Variants in SCOC observed in about 807,000 individuals in gnomAD.
SCOC encodes the protein short coiled coil protein.
A neutral mutation model predicts 9.9 loss-of-function variants in SCOC; 7 were observed. The ratio of observed to expected loss-of-function variants is 0.71; its 90% CI spans 0.40 to 1.33. The LOEUF is 1.33. Among genes scored for constraint, SCOC ranks in the 40% most tolerant of loss-of-function variants. SCOC has a pLI of 0.01. For missense variants in SCOC, 66 were observed against 89.7 expected, an observed-to-expected ratio of 0.74 and a Z score of 1.07; for synonymous variants, 19 against 28.2, an observed-to-expected ratio of 0.67 and a Z score of 1.03.
intron 1 of SCOC, among the ~76,000 whole-genome samples, chr4:140,259,708 C>A (rs1420008737): frequency 3.3e-5 from 5 of 152,114 alleles, no homozygotes; most frequent in Non-Finnish European, 7.4e-5. Context: ...GACCATGTCT[C>A]CAAAAATTAA....
At chr4:140,267,393 G>T (rs1171576829) in intron 1 of SCOC, among the ~76,000 whole-genome samples, 1 of 152,204 alleles carries the variant, frequency 6.6e-6, no homozygotes, top group Non-Finnish European at 1.5e-5. Context: ...TGGAGAGACT[G>T]CGGAGATCTG....
At chr4:140,354,562 A>T (rs1727127057) in intron 2 of SCOC, among the ~76,000 whole-genome samples, 3 of 144,474 alleles carry the variant, frequency 2.1e-5, no homozygotes, top group Non-Finnish European at 3.0e-5. Flanking sequence ...CACAAACAGT[A>T]ACTCCTCTAT....
intron 1 of SCOC, among the ~76,000 whole-genome samples, chr4:140,289,806 C>G (rs956110962): frequency 2.0e-5 from 3 of 152,204 alleles, no homozygotes; most frequent in Non-Finnish European, 4.4e-5. Flanking sequence ...ATGTGCTTAT[C>G]CTGCCAGCTC....
intron 1 of SCOC, among the ~76,000 whole-genome samples, chr4:140,260,262 T>C (rs1332457270): frequency 5.3e-5 from 8 of 152,222 alleles, no homozygotes; most frequent in Non-Finnish European, 8.8e-5. Context: ...TAAGAAGGTA[T>C]TCAATAATAT....
At chr4:140,351,202 A>G (rs192411592) in intron 2 of SCOC, among the ~76,000 whole-genome samples, 37 of 151,986 alleles carry the variant, frequency 2.4e-4, no homozygotes, top group Admixed American at 5.9e-4. Flanking sequence ...AAAAAAAAAA[A>G]AAGAAGAAGA....
Position 140,381,379 on chromosome 4 carries a change from GT to G in SCOC, c.*278del, listed in dbSNP as rs1194709166. 1 of 233,936 alleles carries G rather than the reference GT, an allele frequency of 4.3e-6. No homozygotes were observed. The highest frequency in any genetic ancestry group is 7.3e-5 in the South Asian group (1 of 13,612). The allele number at this position is 233,936 out of a possible 1,614,324, so 14.5% of individuals were successfully genotyped here. ...GATGAATGTTTTATTGAATTTGTAG[GT>G]TTAGCACTGTCTTTTATTATAGGAT... On this transcript the variant is annotated 3_prime_UTR_variant, in exon 4 of 4. Coordinates refer to ENST00000608372, the MANE Select transcript of SCOC (RefSeq NM_001153484.2).
In SCOC at chr4:140,379,571, G is replaced by A. The variant is rs780383810; in HGVS notation, c.25G>A (p.Val9Ile). The A allele has an allele frequency of 3.7e-6, 6 of 1,608,964 alleles. No individual in the cohort carries two copies. The African/African-American group carries it at 6.7e-5, about 18-fold the overall frequency. Residue 9 changes from valine (V) to isoleucine (I), a missense_variant and splice_region_variant, in exon 3 of 4, where the codon GTT becomes ATT. Transcript: ENST00000608372. MMNADMDAVDAENQVELEE... is the reference protein window; with the variant it reads MMNADMDAIDAENQVELEE... ...AAATTTGAACCTTTATATTACAGCAGTTGATGCTGAAAATCAAGTGGAACT... is the reference window on the plus strand; with the variant it reads ...AAATTTGAACCTTTATATTACAGCAATTGATGCTGAAAATCAAGTGGAACT...
intron 1 of SCOC, among the ~76,000 whole-genome samples, chr4:140,319,833 T>C (rs1732445870): frequency 6.6e-6 from 1 of 152,174 alleles, no homozygotes; most frequent in South Asian, 2.1e-4. Context: ...CAAATAACTT[T>C]CTTAAAACCA....
intron 2 of SCOC, chr4:140,362,871 A>G (rs896663410): frequency 2.0e-5 from 3 of 152,188 alleles, no homozygotes; most frequent in Non-Finnish European, 4.4e-5. Context: ...ACTAAAGATC[A>G]TTCAATTTAG....
Position 140,381,084 on chromosome 4 carries a change from A to G in SCOC, c.229A>G (p.Thr77Ala). 1 of 1,598,350 alleles carries G rather than the reference A, an allele frequency of 6.3e-7. No homozygotes were observed. The highest frequency in any genetic ancestry group is 8.5e-7 in the Non-Finnish European group (1 of 1,176,304). The change falls in exon 4 of 4, where the codon ACA (threonine) becomes GCA (alanine). Residue 77 changes from threonine to alanine, a missense_variant. By Grantham distance (58) the Thr-to-Ala change is moderately conservative. Transcript: ENST00000608372. ...TTCTAGTGTTTTTCAAACAACTGAC[A>G]CAAAAAGCAAAAGAAAGTAAGGGAT... ...SASSVFQTTD[T>A]KSKRK is the part of the protein sequence containing the mutation.
intron 2 of SCOC, among the ~76,000 whole-genome samples, chr4:140,364,677 C>G (rs1034181866): frequency 1.3e-5 from 2 of 152,190 alleles, no homozygotes; most frequent in Non-Finnish European, 2.9e-5. Context: ...GGCTGTACAA[C>G]AAGAAGGCCC....
chr4:140,326,129 T>G (rs1732637369), intron 1 of SCOC, among the ~76,000 whole-genome samples: 1 of 152,004 alleles, frequency 6.6e-6, no homozygotes, highest in Non-Finnish European at 1.5e-5. Flanking sequence ...AAGGCACAAC[T>G]ATAGGGATAG....
At chr4:140,293,436 G>C (rs1235720399) in intron 1 of SCOC, 1 of 456,446 alleles carries the variant, frequency 2.2e-6, no homozygotes, top group Admixed American at 2.4e-5. Context: ...AAAAGAATAA[G>C]AGAGGAGCAG....
At chr4:140,365,172 C>CCA (rs1727736096) in intron 2 of SCOC, among the ~76,000 whole-genome samples, 4 of 141,582 alleles carry the variant, frequency 2.8e-5, no homozygotes, top group Non-Finnish European at 6.1e-5. Flanking sequence ...ATGGATATGG[C>CCA]AAAAAAAAAA....
rs1353953811 is a variant in SCOC, at chr4:140,351,711, C to G, written c.70+8003C>G. Among the ~76,000 whole-genome samples, 5 of 151,830 alleles carry G rather than the reference C, an allele frequency of 3.3e-5. No homozygotes were observed. The South Asian group carries it at 1.0e-3, about 32-fold the overall frequency. On this transcript the variant is annotated intron_variant, in intron 2 of 4. Coordinates refer to the SCOC transcript ENST00000338517. ...GAAAAGCTTTCAGAAGGCCATCTGC[C>G]GTCCCCTCAGCCAAGCAGAAGATCA...
chr4:140,258,331 C>G (rs189445353), intron 1 of SCOC, among the ~76,000 whole-genome samples: 96 of 152,376 alleles, frequency 6.3e-4, no homozygotes, highest in Middle Eastern at 3.4e-3. Context: ...ACAACCTCAT[C>G]TACCATTTTC....
intron 1 of SCOC, among the ~76,000 whole-genome samples, chr4:140,297,457 A>G (rs1283404204): frequency 1.3e-5 from 2 of 152,136 alleles, no homozygotes; most frequent in African/African-American, 4.8e-5. Flanking sequence ...TAAGGTAGAC[A>G]AAGTTTGTGT....
At chr4:140,356,994 G>C (rs1291695354) in intron 2 of SCOC, among the ~76,000 whole-genome samples, 14 of 152,138 alleles carry the variant, frequency 9.2e-5, no homozygotes, top group Admixed American at 9.2e-4. Flanking sequence ...TTTAGAGACA[G>C]GGTCTCGCTC....
intron 1 of SCOC, among the ~76,000 whole-genome samples, chr4:140,329,327 G>A (rs1732741138): frequency 6.6e-6 from 1 of 152,100 alleles, no homozygotes; most frequent in African/African-American, 2.4e-5. Context: ...TTAAATCTAA[G>A]ACCTGAAACC....
Sources: allele counts gnomAD v4.1 joint callset (sites outside exome capture counted in the v4.1 genomes callset), GRCh38; gene constraint gnomAD v4.1.1; transcripts MANE v1.5; gene names NCBI Gene and HGNC (gene_info 2026-07-23, HGNC 2026-07-21).